RAD51B: variants seen among roughly 807,000 people sequenced by gnomAD.
RAD51B encodes DNA repair protein RAD51 homolog 2.
RAD51B carries 38 observed loss-of-function variants against 42.2 expected under a neutral mutation model. The ratio of observed to expected loss-of-function variants is 0.90; its 90% CI spans 0.70 to 1.18. The LOEUF is 1.18. RAD51B is among the 50% of genes most tolerant of loss of function. The probability of loss-of-function intolerance (pLI) is 0.00; values close to 1 mark genes in which losing one functional copy is unlikely to be tolerated. For missense variants in RAD51B, 373 were observed against 400.7 expected, an observed-to-expected ratio of 0.93 and a Z score of 0.59; for synonymous variants, 154 against 145.2, an observed-to-expected ratio of 1.06 and a Z score of -0.43.
chr14:68,515,921 G>A (rs903685974), intron 10 of RAD51B, among the ~76,000 whole-genome samples: 5 of 151,846 alleles, frequency 3.3e-5, no homozygotes, highest in Admixed American at 6.6e-5. Context: ...GAGTAGCTGG[G>A]ACCACAGGCA....
At position 68,118,677 on chromosome 14, in the gene RAD51B, C is replaced by T. The variant is rs148271600; in HGVS notation, c.757-173207C>T. On this transcript the variant is annotated intron_variant, in intron 7 of 10. Transcript: ENST00000471583. ...TTGTGCAGGTGTATTTTGAGCTCTG[C>T]GGATTTTTTTATAATGCTTTCACAT... Among the ~76,000 whole-genome samples, 909 of 152,204 alleles carry T rather than the reference C, an allele frequency of 6.0e-3. 17 individuals are homozygous for T. The highest frequency in any genetic ancestry group is 3.4e-3 in the Non-Finnish European group (233 of 68,008).
chr14:68,036,112 A>G (rs2076117155), intron 7 of RAD51B, among the ~76,000 whole-genome samples: 1 of 152,202 alleles, frequency 6.6e-6, no homozygotes, highest in Non-Finnish European at 1.5e-5. Context: ...TCTCCTGCCT[A>G]TGTCATTTCT....
chr14:68,377,477 G>A (rs2083393543), intron 8 of RAD51B, among the ~76,000 whole-genome samples: 1 of 152,164 alleles, frequency 6.6e-6, no homozygotes, highest in Non-Finnish European at 1.5e-5. Flanking sequence ...TTTCCACCCA[G>A]TGTTTCTTTG....
intron 5 of RAD51B, among the ~76,000 whole-genome samples, chr14:67,865,566 T>G (rs1595027822): frequency 1.1e-5 from 1 of 94,002 alleles, no homozygotes; most frequent in East Asian, 2.9e-4. Context: ...TGAGATGGAG[T>G]CTCTCTCTGT....
intron 7 of RAD51B, among the ~76,000 whole-genome samples, chr14:68,155,812 T>A (rs999831976): frequency 2.6e-5 from 4 of 152,178 alleles, no homozygotes. Flanking sequence ...TACAAAGGTT[T>A]TTGCAGTTTT....
downstream of RAD51B, among the ~76,000 whole-genome samples, chr14:68,597,998 A>C (rs2140089545): frequency 6.6e-6 from 1 of 152,260 alleles, no homozygotes; most frequent in South Asian, 2.1e-4. Flanking sequence ...GGATTTGTTA[A>C]AGTGGGGACC....
intron 10 of RAD51B, among the ~76,000 whole-genome samples, chr14:68,623,423 T>C (rs1239783317): frequency 6.6e-6 from 1 of 152,186 alleles, no homozygotes; most frequent in African/African-American, 2.4e-5. Context: ...TGAGAGCTAG[T>C]GACATTGAGT....
chr14:68,450,514 T>C (rs1195179453), intron 9 of RAD51B, among the ~76,000 whole-genome samples: 1 of 152,098 alleles, frequency 6.6e-6, no homozygotes. Flanking sequence ...CCACCACGCC[T>C]GGCCAGGACT....
At chr14:68,546,688 T>C (rs1017817465) in intron 10 of RAD51B, among the ~76,000 whole-genome samples, 6 of 152,046 alleles carry the variant, frequency 3.9e-5, no homozygotes, top group Admixed American at 6.6e-5. Context: ...GGAATACCAC[T>C]GGAGGGTGGG....
downstream of RAD51B, among the ~76,000 whole-genome samples, chr14:68,613,671 G>A (rs1007801066): frequency 1.3e-5 from 2 of 151,858 alleles, no homozygotes; most frequent in Admixed American, 1.3e-4. Context: ...AGCCAGGATG[G>A]TCTCGATCTC....
At chr14:68,607,056 C>T (rs753262552) in intron 10 of RAD51B, among the ~76,000 whole-genome samples, 17 of 152,218 alleles carry the variant, frequency 1.1e-4, no homozygotes, top group Non-Finnish European at 2.4e-4. Flanking sequence ...AAAAACAAGG[C>T]GCCGTAATTT....
Position 67,881,064 on chromosome 14 carries a change from C to T in RAD51B, c.453-4805C>T, listed in dbSNP as rs561632206. On this transcript the variant is annotated intron_variant, in intron 5 of 10. Coordinates refer to ENST00000471583, the MANE Select transcript of RAD51B (RefSeq NM_133510.4). ...ATTGCTTCTAGGCTATGAACCTGTA[C>T]AGCATGTTACTGTATTGAATAGGCA... Among the ~76,000 whole-genome samples, 15 of 152,222 alleles carry T rather than the reference C, an allele frequency of 9.9e-5. No individual in the cohort carries two copies. The South Asian group carries it at 2.7e-3, about 27-fold the overall frequency.
At chr14:68,491,677 A>T (rs1884084750) in intron 10 of RAD51B, among the ~76,000 whole-genome samples, 4 of 152,190 alleles carry the variant, frequency 2.6e-5, no homozygotes, top group Admixed American at 2.0e-4. Context: ...GCCCTCAGAG[A>T]ATGCCCATAG....
chr14:68,507,669 AC>A (rs1266598879), intron 10 of RAD51B, among the ~76,000 whole-genome samples: 1 of 152,192 alleles, frequency 6.6e-6, no homozygotes, highest in African/African-American at 2.4e-5. Context: ...CTCACAATAG[AC>A]ACTCAGTGAC....
At chr14:67,843,763 A>G (rs529225339) in intron 4 of RAD51B, among the ~76,000 whole-genome samples, 1 of 148,514 alleles carries the variant, frequency 6.7e-6, no homozygotes, top group South Asian at 2.1e-4. Context: ...TCTAGCTAGC[A>G]GTTTATCTTA....
At chr14:68,144,576 C>T (rs2078211072) in intron 7 of RAD51B, among the ~76,000 whole-genome samples, 1 of 152,160 alleles carries the variant, frequency 6.6e-6, no homozygotes. Flanking sequence ...TTTTGAGATA[C>T]AATGAGTTGT....
At chr14:68,549,087 G>A (rs189999090) in intron 10 of RAD51B, among the ~76,000 whole-genome samples, 28 of 152,260 alleles carry the variant, frequency 1.8e-4, no homozygotes, top group Non-Finnish European at 3.2e-4. Context: ...GGGAGCTGAG[G>A]GTTTTGAGCC....
intron 10 of RAD51B, among the ~76,000 whole-genome samples, chr14:68,640,193 CT>C (rs1158884914): frequency 6.6e-6 from 1 of 151,228 alleles, no homozygotes; most frequent in East Asian, 1.9e-4. Flanking sequence ...ATGACATTAG[CT>C]TTACCTCCAA....
intron 10 of RAD51B, among the ~76,000 whole-genome samples, chr14:68,494,669 A>ATG (rs1433283533): frequency 5.9e-5 from 9 of 152,112 alleles, no homozygotes; most frequent in African/African-American, 2.2e-4. Flanking sequence ...TTCATCTCCA[A>ATG]TTCCTGCCAT....
Sources: gnomAD v4.1 joint callset for allele counts (sites outside exome capture counted in the v4.1 genomes callset) on GRCh38, gnomAD v4.1.1 for gene constraint, MANE v1.5 for transcripts, NCBI Gene and HGNC (gene_info 2026-07-23, HGNC 2026-07-21) for gene names.